Variants in CEP128 observed in about 807,000 individuals in gnomAD.
CEP128 encodes the protein centrosomal protein 128kDa.
In CEP128, 132 loss-of-function variants were observed where a neutral mutation model predicts 156.7. The ratio of observed to expected loss-of-function variants is 0.84; its 90% CI spans 0.73 to 0.97. CEP128 has a LOEUF of 0.97. Ranked by LOEUF, CEP128 falls within the 50% of genes least tolerant of loss-of-function variation. The pLI, the probability that CEP128 is intolerant of heterozygous loss-of-function variation, is 0.00. For synonymous variants in CEP128, 469 were observed against 448.9 expected (o/e 1.04, Z -0.57); for missense variants, 1,252 against 1,281.9 (o/e 0.98, Z 0.36).
At chr14:80,510,910 A>C (rs1489388969) in intron 23 of CEP128, among the ~76,000 whole-genome samples, 1 of 151,926 alleles carries the variant, frequency 6.6e-6, no homozygotes, top group African/African-American at 2.4e-5. Flanking sequence ...GATGTATGAC[A>C]CTGGTGGATG....
chr14:80,631,067 T>C lies in CEP128; in HGVS notation c.2807-50644A>G, dbSNP rs73330519. Reference sequence around the variant, plus strand: ...GTCAATAATTCCACTTGGAGGAATGTAATCAGAAATGTATAAAATCATATA... The same window carrying C: ...GTCAATAATTCCACTTGGAGGAATGCAATCAGAAATGTATAAAATCATATA... On this transcript the variant is annotated intron_variant, in intron 19 of 24. Transcript: ENST00000555265. Among the ~76,000 whole-genome samples the C allele has an allele frequency of 9.1e-3, 1,387 of 152,122 alleles. 16 individuals are homozygous for C. Among genetic ancestry groups the C allele is most frequent in the African/African-American group, 0.029 (1,195 of 41,554 alleles).
At chr14:80,845,898 T>C (rs569523331) in intron 9 of CEP128, among the ~76,000 whole-genome samples, 1 of 152,144 alleles carries the variant, frequency 6.6e-6, no homozygotes. Context: ...AAAACATAGA[T>C]AGAAACATTC....
At chr14:80,826,264 T>G (rs1240778737) in intron 13 of CEP128, among the ~76,000 whole-genome samples, 1 of 152,164 alleles carries the variant, frequency 6.6e-6, no homozygotes, top group Admixed American at 6.5e-5. Context: ...TATTAATAGC[T>G]TCTCTCTACA....
intron 19 of CEP128, among the ~76,000 whole-genome samples, chr14:80,584,858 C>T (rs565793071): frequency 1.7e-4 from 26 of 152,140 alleles, no homozygotes; most frequent in African/African-American, 6.3e-4. Flanking sequence ...TGAAGGTCTG[C>T]TCTACTCTTC....
chr14:80,724,184 T>A (rs1475188514), intron 19 of CEP128, among the ~76,000 whole-genome samples: 2 of 152,194 alleles, frequency 1.3e-5, no homozygotes, highest in Non-Finnish European at 2.9e-5. Flanking sequence ...AGAGGGTTGC[T>A]ATTTACTAAC....
At position 80,643,150 on chromosome 14, in the gene CEP128, T is replaced by A. The variant is rs1395289369; in HGVS notation, c.2807-62727A>T. Among the ~76,000 whole-genome samples the A allele has an allele frequency of 3.3e-5, 5 of 152,286 alleles. No individual in the cohort carries two copies. The East Asian group carries it at 9.6e-4, about 29-fold the overall frequency. On this transcript the variant is annotated intron_variant, in intron 19 of 24. Coordinates refer to ENST00000555265, the MANE Select transcript of CEP128 (RefSeq NM_152446.5). ...AAAGATCGAAGAGCATGAGTTCAAA[T>A]CAATCCTCAATCTTTTTAAATCATC...
intron 19 of CEP128, among the ~76,000 whole-genome samples, chr14:80,594,498 G>A (rs535733844): frequency 6.6e-6 from 1 of 152,178 alleles, no homozygotes; most frequent in Admixed American, 6.5e-5. Context: ...AAGAGCTTCT[G>A]CACAGCAAAA....
At chr14:80,936,892 C>T (rs1885836335) in intron 2 of CEP128, among the ~76,000 whole-genome samples, 1 of 151,686 alleles carries the variant, frequency 6.6e-6, no homozygotes, top group Non-Finnish European at 1.5e-5. Flanking sequence ...AAGGTTATAC[C>T]TTGTTGTAAG....
At chr14:80,760,844 G>A (rs1462700454) in intron 17 of CEP128, among the ~76,000 whole-genome samples, 1 of 152,086 alleles carries the variant, frequency 6.6e-6, no homozygotes, top group Non-Finnish European at 1.5e-5. Flanking sequence ...AAATACAGCT[G>A]GTTTAAACAG....
chr14:80,549,485 T>C (rs538842683), intron 21 of CEP128, among the ~76,000 whole-genome samples: 1 of 152,338 alleles, frequency 6.6e-6, no homozygotes, highest in East Asian at 1.9e-4. Context: ...GAGAGGCTCA[T>C]AGCCTTGGCA....
intron 1 of CEP128, among the ~76,000 whole-genome samples, chr14:80,959,025 T>C (rs772568169): frequency 6.6e-6 from 1 of 152,212 alleles, no homozygotes; most frequent in Non-Finnish European, 1.5e-5. Context: ...CTTCTACTCA[T>C]AGATTATTGT....
chr14:80,813,344 T>C (rs891714773), intron 13 of CEP128, among the ~76,000 whole-genome samples: 4 of 152,306 alleles, frequency 2.6e-5, no homozygotes, highest in Non-Finnish European at 2.9e-5. Flanking sequence ...TTTACAGTTT[T>C]ACATTTTACA....
intron 19 of CEP128, among the ~76,000 whole-genome samples, chr14:80,720,933 A>G (rs897757218): frequency 6.6e-6 from 1 of 152,202 alleles, no homozygotes; most frequent in Non-Finnish European, 1.5e-5. Flanking sequence ...CACAGAGAAA[A>G]CCTAAGTATG....
chr14:80,606,998 T>C (rs549746353), intron 19 of CEP128, among the ~76,000 whole-genome samples: 2 of 151,638 alleles, frequency 1.3e-5, no homozygotes, highest in Admixed American at 1.3e-4. Flanking sequence ...TACATGTACA[T>C]ATATTTTAAT....
At chr14:80,733,170 A>G (rs564090943) in intron 19 of CEP128, among the ~76,000 whole-genome samples, 1 of 152,280 alleles carries the variant, frequency 6.6e-6, no homozygotes, top group Admixed American at 6.5e-5. Flanking sequence ...AAACTAGGAC[A>G]TCAATTCTCT....
rs189069944 is a variant in CEP128, at chr14:80,582,486, T to C, written c.2807-2063A>G. On this transcript the variant is annotated intron_variant, in intron 19 of 24. Transcript: ENST00000555265. ...GTAGCATGAGCTAATAAGCATTTTA[T>C]TCTGGGCTCCTCTAAACTTTATGTC... 5.2e-3 allele frequency among the ~76,000 whole-genome samples: 798 copies of C among 152,218 alleles called. 6 individuals are homozygous for C. Among genetic ancestry groups the C allele is most frequent in the South Asian group, 0.013 (63 of 4,820 alleles).
intron 16 of CEP128, 73 bp downstream of exon 16, chr14:80,777,809 T>C (rs763810361): frequency 1.7e-6 from 2 of 1,153,478 alleles, no homozygotes; most frequent in African/African-American, 3.1e-5. Context: ...CATTTGTTGA[T>C]ATATAAAATA....
intron 13 of CEP128, among the ~76,000 whole-genome samples, chr14:80,813,468 T>G (rs1380200207): frequency 6.6e-6 from 1 of 152,192 alleles, no homozygotes; most frequent in African/African-American, 2.4e-5. Flanking sequence ...AAGAAATCAC[T>G]GTTCATCCAA....
At position 80,611,660 on chromosome 14, in the gene CEP128, T is replaced by C. The variant is rs374162339; in HGVS notation, c.2807-31237A>G. ...CTACAGAGATCTTCTTAAATTTAAA[T>C]CAGTAAGATTAAAAATTATAGCTTC... On this transcript the variant is annotated intron_variant, in intron 19 of 24. Transcript: ENST00000555265. Among the ~76,000 whole-genome samples, 9 of 152,282 alleles carry C rather than the reference T, an allele frequency of 5.9e-5. No homozygotes were observed. In the East Asian group the frequency reaches 1.5e-3, roughly 26 times the overall value.
Sources: allele counts gnomAD v4.1 joint callset (sites outside exome capture counted in the v4.1 genomes callset), GRCh38; gene constraint gnomAD v4.1.1; transcripts MANE v1.5; gene names NCBI Gene and HGNC (gene_info 2026-07-23, HGNC 2026-07-21).